Variants in HSPA4L observed in about 807,000 individuals in gnomAD.
HSPA4L encodes the protein heat shock protein family A (Hsp70) member 4 like, also known as heat shock 70 kDa protein 4L.
Under a neutral mutation model 100.3 loss-of-function variants are expected in HSPA4L, and 48 were observed. That is an observed-to-expected ratio of 0.48 (90% CI 0.38 to 0.61). The LOEUF is 0.61. Among genes scored for constraint, HSPA4L ranks in the 20% least tolerant of loss-of-function variants. The pLI, the probability that HSPA4L is intolerant of heterozygous loss-of-function variation, is 0.00. For missense variants in HSPA4L, 886 were observed against 988.6 expected (o/e 0.90, Z 1.39); for synonymous variants, 319 against 328.2 (o/e 0.97, Z 0.30).
chr4:127,784,969 AAAG>A (rs1477420449), intron 1 of HSPA4L, among the ~76,000 whole-genome samples: 2 of 152,246 alleles, frequency 1.3e-5, no homozygotes, highest in Non-Finnish European at 2.9e-5. Flanking sequence ...GATCCTATGA[AAAG>A]AGGAAAGAAA....
intron 1 of HSPA4L, among the ~76,000 whole-genome samples, chr4:127,785,364 C>A (rs922456213): frequency 6.6e-6 from 1 of 152,002 alleles, no homozygotes; most frequent in African/African-American, 2.4e-5. Context: ...AATTTAATTC[C>A]TCCAGATGGT....
In HSPA4L at chr4:127,838,884, ATATT is replaced by A. The variant is rs1332854577; in HGVS notation, c.*6015_*6018del. 1.3e-5 allele frequency: 2 copies of A among 152,034 alleles called. No individual in the cohort carries two copies. The highest frequency in any genetic ancestry group is 2.9e-5 in the Non-Finnish European group (2 of 67,992). The allele number at this position is 152,034 out of a possible 1,614,324, so 9.4% of individuals were successfully genotyped here. A position where few individuals can be genotyped will look rare whatever the true frequency, so the allele number is the denominator to read the frequency against. ...TTTATTACTTTTTGTTTCCTTTTTA[ATATT>A]TATTCTTCCCGTTAAGGGTTTTTTG... On this transcript the variant is annotated 3_prime_UTR_variant, in exon 19 of 19. Transcript: ENST00000296464.
At chr4:127,830,118 TTC>T (rs1734042064) in intron 17 of HSPA4L, among the ~76,000 whole-genome samples, 1 of 152,158 alleles carries the variant, frequency 6.6e-6, no homozygotes. Context: ...CATCAGGAGA[TTC>T]TCTTTCTATA....
chr4:127,803,514 C>A, intron 6 of HSPA4L, 115 bp from the exon 7 acceptor site: 1 of 1,021,462 alleles, frequency 9.8e-7, no homozygotes, highest in Non-Finnish European at 1.4e-6. Context: ...TGTGATTGGA[C>A]AAGTTTTTTT....
At chr4:127,781,934 G>A (rs1732562781), upstream of HSPA4L, 4 of 399,830 alleles carry the variant, frequency 1.0e-5, no homozygotes, top group Non-Finnish European at 1.5e-5. Flanking sequence ...GCACGCCTCC[G>A]GTTGCCAAAA....
intron 16 of HSPA4L, 26 bp from the exon 17 acceptor site, chr4:127,827,279 T>A: frequency 6.3e-7 from 1 of 1,592,310 alleles, no homozygotes; most frequent in Non-Finnish European, 8.5e-7. Context: ...AAATTTTTCT[T>A]CTTTAAAAAT....
chr4:127,820,596 G>A (rs1212681318), intron 14 of HSPA4L, 31 bp downstream of exon 14: 5 of 1,577,310 alleles, frequency 3.2e-6, no homozygotes, highest in Middle Eastern at 1.7e-4. Context: ...GCTGAAATAG[G>A]TGGTAGTTTA....
At chr4:127,809,529 A>G in intron 11 of HSPA4L, 4 of 827,212 alleles carry the variant, frequency 4.8e-6, no homozygotes, top group South Asian at 1.3e-5. Flanking sequence ...TGCCAAAGCT[A>G]CTGTCATTCA....
At chr4:127,787,601 T>C (rs1009645476) in intron 1 of HSPA4L, among the ~76,000 whole-genome samples, 1 of 152,206 alleles carries the variant, frequency 6.6e-6, no homozygotes, top group African/African-American at 2.4e-5. Flanking sequence ...TGCAAATTGC[T>C]TTCTTTTCAC....
At chr4:127,826,083 C>G (rs114145134) in intron 16 of HSPA4L, among the ~76,000 whole-genome samples, 140 of 152,216 alleles carry the variant, frequency 9.2e-4, no homozygotes, top group African/African-American at 3.2e-3. Context: ...ACAAGTTTTA[C>G]TTTTTCTGTT....
chr4:127,822,484 T>A lies in HSPA4L; in HGVS notation c.1813-285T>A, dbSNP rs563975641. Among the ~76,000 whole-genome samples, 11 of 152,328 alleles carry A rather than the reference T, an allele frequency of 7.2e-5. No homozygotes were observed. The East Asian group carries it at 1.9e-3, about 27-fold the overall frequency. On this transcript the variant is annotated intron_variant, in intron 14 of 18. Coordinates refer to ENST00000296464, the MANE Select transcript of HSPA4L (RefSeq NM_014278.4). Reference sequence around the variant, plus strand: ...TGCAGTGAACACTGACATACAAATATCTGTTCAAGTCTCTGCTTTCAATTT... The same window carrying A: ...TGCAGTGAACACTGACATACAAATAACTGTTCAAGTCTCTGCTTTCAATTT...
At chr4:127,786,820 A>G (rs890756652) in intron 1 of HSPA4L, among the ~76,000 whole-genome samples, 3 of 152,238 alleles carry the variant, frequency 2.0e-5, no homozygotes, top group African/African-American at 7.2e-5. Context: ...TTTGTTTTTA[A>G]AATTCATAAA....
chr4:127,814,325 T>G (rs772247714), intron 12 of HSPA4L, among the ~76,000 whole-genome samples: 1 of 152,206 alleles, frequency 6.6e-6, no homozygotes. Flanking sequence ...TTACAATGTA[T>G]GTAATCAAAA....
rs531475680 is a variant in HSPA4L at position 127,805,009 on chromosome 4, C to T, written c.986-64C>T. The T allele has an allele frequency of 6.6e-5, 73 of 1,101,030 alleles. No individual in the cohort carries two copies. The African/African-American group carries it at 9.2e-4, about 14-fold the overall frequency. The allele number at this position is 1,101,030 out of a possible 1,614,324, so 68.2% of individuals were successfully genotyped here. A position where few individuals can be genotyped will look rare whatever the true frequency, so the allele number is the denominator to read the frequency against. ...TCAATCCACTTTTTAAAAAAGTACT[C>T]GACAAAGCCTTCTGTTGAGATTTTT... On this transcript the variant is annotated intron_variant, in intron 8 of 18. Transcript: ENST00000296464.
At chr4:127,826,500 A>T (rs1025877955) in intron 16 of HSPA4L, among the ~76,000 whole-genome samples, 1 of 152,206 alleles carries the variant, frequency 6.6e-6, no homozygotes. Flanking sequence ...CCTGGAACAG[A>T]TGATAATGAA....
At chr4:127,824,312 G>A (rs1733889749) in intron 16 of HSPA4L, among the ~76,000 whole-genome samples, 1 of 152,164 alleles carries the variant, frequency 6.6e-6, no homozygotes, top group African/African-American at 2.4e-5. Flanking sequence ...ATGGAGTTTA[G>A]ATATCTCTTT....
At chr4:127,793,920 A>T (rs1732944819) in intron 1 of HSPA4L, among the ~76,000 whole-genome samples, 157 bp from the exon 2 acceptor site, 1 of 152,304 alleles carries the variant, frequency 6.6e-6, no homozygotes, top group East Asian at 1.9e-4. Context: ...TTATATAGGG[A>T]AACTTTAAAA....
chr4:127,813,385 G>T, intron 12 of HSPA4L: 1 of 517,694 alleles, frequency 1.9e-6, no homozygotes, highest in South Asian at 3.0e-5. Context: ...TAAGGACTGT[G>T]GCTTTTTCTT....
Position 127,813,674 on chromosome 4 carries a change from G to T in HSPA4L, c.1578+2038G>T, listed in dbSNP as rs11939192. Among the ~76,000 whole-genome samples the T allele has an allele frequency of 6.4e-3, 972 of 152,156 alleles. 15 individuals carry two copies. Among genetic ancestry groups the T allele is most frequent in the African/African-American group, 0.022 (909 of 41,502 alleles). ...TGTTGTTGTTGTTTGAGACAGTCTC[G>T]CTCTGTTGCCCAGGCTGGAGTGCAG... is the stretch of plus-strand genomic sequence containing the variant. On this transcript the variant is annotated intron_variant, in intron 12 of 18. Transcript: ENST00000296464.
Sources: gnomAD v4.1 joint callset for allele counts (sites outside exome capture counted in the v4.1 genomes callset) on GRCh38, gnomAD v4.1.1 for gene constraint, MANE v1.5 for transcripts, NCBI Gene and HGNC (gene_info 2026-07-23, HGNC 2026-07-21) for gene names.